Variants in UBXN7 observed in about 807,000 individuals in gnomAD.
UBXN7 encodes the protein UBX domain-containing protein 7.
UBXN7 carries 9 observed loss-of-function variants against 58.0 expected under a neutral mutation model. That is an observed-to-expected ratio of 0.16 (90% CI 0.09 to 0.27). The LOEUF (loss-of-function observed/expected upper bound fraction) is 0.27. UBXN7 is among the 10% of genes least tolerant of loss of function. The pLI, the probability that UBXN7 is intolerant of heterozygous loss-of-function variation, is 1.00. For synonymous variants in UBXN7, 208 were observed against 205.0 expected, an observed-to-expected ratio of 1.01 and a Z score of -0.12; for missense variants, 328 against 599.6, an observed-to-expected ratio of 0.55 and a Z score of 4.73.
chr3:196,387,973 G>T (rs1293201944), intron 5 of UBXN7, among the ~76,000 whole-genome samples: 2 of 152,000 alleles, frequency 1.3e-5, no homozygotes, highest in Admixed American at 1.3e-4. Context: ...AAATCATGCT[G>T]CTATAAAGAC....
chr3:196,367,266 T>C (rs1423785965), intron 8 of UBXN7, among the ~76,000 whole-genome samples: 4 of 151,972 alleles, frequency 2.6e-5, no homozygotes, highest in African/African-American at 7.2e-5. Flanking sequence ...TGAAAACCAA[T>C]GTGAGATTGC....
At chr3:196,376,375 G>C (rs373119113) in intron 5 of UBXN7, among the ~76,000 whole-genome samples, 1 of 151,356 alleles carries the variant, frequency 6.6e-6, no homozygotes, top group African/African-American at 2.4e-5. Flanking sequence ...GTGAAACCTC[G>C]TCTCTACTAA....
chr3:196,432,390 G>C lies in UBXN7; in HGVS notation c.10C>G (p.His4Asp). 1 of 1,593,962 alleles carries C rather than the reference G, an allele frequency of 6.3e-7. No homozygotes were observed. The highest frequency in any genetic ancestry group is 8.6e-7 in the Non-Finnish European group (1 of 1,166,546). ...GCCGAGGACGCCGCGGAGCCCCCGT[G>C]GGCAGCCATCTTACCGCCGCCGCCG... is the stretch of plus-strand genomic sequence containing the variant. MAA[H>D]GGSAASSALK... Residue 4 changes from histidine to aspartate, a missense_variant, in exon 1 of 11, where the codon CAC (histidine) becomes GAC (aspartate). His to Asp is a moderately conservative substitution (Grantham distance 81, BLOSUM62 -1). Around this residue, in one of 4 missense-constraint regions of UBXN7, gnomAD observed 106 missense variants for 124.3 expected, o/e 0.85. Coordinates refer to ENST00000296328, the MANE Select transcript of UBXN7 (RefSeq NM_015562.2).
At chr3:196,378,699 T>C (rs549988014) in intron 5 of UBXN7, among the ~76,000 whole-genome samples, 1 of 152,124 alleles carries the variant, frequency 6.6e-6, no homozygotes, top group Non-Finnish European at 1.5e-5. Flanking sequence ...CTGGTGGGAG[T>C]GGAGCAGTGA....
chr3:196,375,992 G>C (rs1020907894), intron 5 of UBXN7, among the ~76,000 whole-genome samples: 9 of 152,100 alleles, frequency 5.9e-5, no homozygotes, highest in African/African-American at 1.9e-4. Context: ...TCATGCCACT[G>C]CACTCCAGCC....
intron 1 of UBXN7, 52 bp from the exon 2 acceptor site, chr3:196,407,445 A>C (rs1382003599): frequency 1.3e-6 from 2 of 1,519,356 alleles, no homozygotes; most frequent in Non-Finnish European, 1.8e-6. Context: ...AAAAAAAGAC[A>C]GCCTCTTTCT....
intron 5 of UBXN7, among the ~76,000 whole-genome samples, chr3:196,387,839 T>C (rs1227029187): frequency 6.6e-6 from 1 of 152,094 alleles, no homozygotes; most frequent in Non-Finnish European, 1.5e-5. Context: ...TTTTACACTG[T>C]TGGTGGGAGT....
rs71621242 is a variant in UBXN7, at chr3:196,409,940, C to CT, written c.74-2548dup. The stretch of plus-strand genomic sequence containing the variant: ...AACCAATAATGTATTTTAAAAGAAA[C>CT]TTTTTTTTTTTTTTTTTGAGACGGA... On this transcript the variant is annotated intron_variant, in intron 1 of 10. Transcript: ENST00000296328. 7.4e-3 allele frequency among the ~76,000 whole-genome samples: 1,019 copies of CT among 138,164 alleles called. 10 individuals carry two copies. The highest frequency in any genetic ancestry group is 0.021 in the African/African-American group (780 of 37,448). The allele number at this position is 138,164 out of a possible 152,430, so 90.6% of individuals were successfully genotyped here. A position where few individuals can be genotyped will look rare whatever the true frequency, so the allele number is the denominator to read the frequency against.
At chr3:196,383,214 G>A (rs1202494954) in intron 5 of UBXN7, among the ~76,000 whole-genome samples, 1 of 151,896 alleles carries the variant, frequency 6.6e-6, no homozygotes, top group African/African-American at 2.4e-5. Flanking sequence ...AGACAAAGAA[G>A]GCCATTACAT....
intron 2 of UBXN7, among the ~76,000 whole-genome samples, chr3:196,406,577 T>C (rs1168837571): frequency 4.6e-5 from 7 of 151,896 alleles, no homozygotes; most frequent in Non-Finnish European, 1.0e-4. Flanking sequence ...GTAGCTGGGA[T>C]TACAGGCGCA....
intron 5 of UBXN7, among the ~76,000 whole-genome samples, chr3:196,385,968 C>T (rs1162903179): frequency 1.3e-5 from 2 of 152,014 alleles, no homozygotes; most frequent in Admixed American, 6.6e-5. Flanking sequence ...AAGGAGAGAT[C>T]GGATTGTTAC....
intron 3 of UBXN7, among the ~76,000 whole-genome samples, chr3:196,401,823 G>GAGAAAAGAGAAGAGA (rs145395839): frequency 9.1e-5 from 11 of 120,344 alleles, no homozygotes; most frequent in African/African-American, 3.4e-4. Flanking sequence ...GAAAAGAGAA[G>GAGAAAAGAGAAGAGA]AGAGAAGAGA....
chr3:196,384,663 CATA>C (rs1213793169), intron 5 of UBXN7, among the ~76,000 whole-genome samples: 3 of 152,020 alleles, frequency 2.0e-5, no homozygotes, highest in Non-Finnish European at 4.4e-5. Context: ...AATCAATAAA[CATA>C]ATCCATCATA....
At chr3:196,395,710 A>AT (rs1398145843) in intron 3 of UBXN7, among the ~76,000 whole-genome samples, 1 of 151,888 alleles carries the variant, frequency 6.6e-6, no homozygotes, top group Non-Finnish European at 1.5e-5. Flanking sequence ...CTCCCATCTC[A>AT]TCCTCCCAAA....
chr3:196,411,805 C>T (rs936532683), intron 1 of UBXN7, among the ~76,000 whole-genome samples: 7 of 151,894 alleles, frequency 4.6e-5, no homozygotes, highest in African/African-American at 1.7e-4. Flanking sequence ...AGTGAGACTT[C>T]GTCTCAAAAA....
intron 6 of UBXN7, 24 bp from the exon 7 acceptor site, chr3:196,369,535 A>G (rs994715378): frequency 3.2e-6 from 5 of 1,577,738 alleles, no homozygotes; most frequent in Non-Finnish European, 4.3e-6. Context: ...GATATAAAAA[A>G]AAAAGTCAGC....
At chr3:196,413,787 G>T (rs1730401488) in intron 1 of UBXN7, among the ~76,000 whole-genome samples, 1 of 152,076 alleles carries the variant, frequency 6.6e-6, no homozygotes, top group Admixed American at 6.6e-5. Flanking sequence ...ACTGTCCAAG[G>T]ATACCAAAAT....
At position 196,352,891 on chromosome 3, in the gene UBXN7, T is replaced by C. The variant is rs760433478; in HGVS notation, c.*3794A>G. On this transcript the variant is annotated 3_prime_UTR_variant, in exon 11 of 11. Transcript: ENST00000296328. The surrounding 1 kb of genome is among the most constrained non-coding windows in gnomAD (Gnocchi z 4.1). ...CCTATTAAAAAAGGTAATTGTATCTTTTCTGAAAAATGTTTAAAAAAAGAA... is the reference window on the plus strand; with the variant it reads ...CCTATTAAAAAAGGTAATTGTATCTCTTCTGAAAAATGTTTAAAAAAAGAA... The C allele has an allele frequency of 2.6e-5, 4 of 152,326 alleles. No homozygotes were observed. Among genetic ancestry groups the C allele is most frequent in the Admixed American group, 6.5e-5 (1 of 15,298 alleles). 9.4% of individuals were successfully genotyped at this position (152,326 alleles called of 1,614,324 possible). A position where few individuals can be genotyped will look rare whatever the true frequency, so the allele number is the denominator to read the frequency against.
intron 4 of UBXN7, among the ~76,000 whole-genome samples, chr3:196,392,204 A>C (rs1560231437): frequency 6.6e-6 from 1 of 152,134 alleles, no homozygotes; most frequent in Non-Finnish European, 1.5e-5. Context: ...TCAGAAACTA[A>C]CTGTAACATG....
Sources: allele counts gnomAD v4.1 joint callset (sites outside exome capture counted in the v4.1 genomes callset), GRCh38; gene constraint gnomAD v4.1.1; regional missense constraint gnomAD v4.1.1; non-coding constraint Gnocchi (gnomAD v3.1); transcripts MANE v1.5; gene names NCBI Gene and HGNC (gene_info 2026-07-23, HGNC 2026-07-21).